The following GPC5 variants were observed in gnomAD, a reference collection of about 807,000 sequenced individuals.
The protein encoded by GPC5 is glypican 5, also known as glypican-5.
Under a neutral mutation model 53.9 loss-of-function variants are expected in GPC5, and 47 were observed. The observed-to-expected ratio is 0.87, with a 90% CI of 0.69 to 1.11. The LOEUF is 1.11. Among genes scored for constraint, GPC5 ranks in the 50% most tolerant of loss-of-function variants. GPC5 has a pLI of 0.00. For synonymous variants in GPC5, 286 were observed against 263.3 expected (o/e 1.09, Z -0.84); for missense variants, 748 against 713.1 (o/e 1.05, Z -0.56).
At chr13:92,803,744 TA>T (rs1436881251) in intron 7 of GPC5, among the ~76,000 whole-genome samples, 3 of 151,996 alleles carry the variant, frequency 2.0e-5, no homozygotes, top group African/African-American at 4.8e-5. Flanking sequence ...ATTTGTATTT[TA>T]AAAGGCTAAT....
At chr13:92,221,037 A>G (rs541313070) in intron 7 of GPC5, among the ~76,000 whole-genome samples, 1 of 152,214 alleles carries the variant, frequency 6.6e-6, no homozygotes, top group East Asian at 1.9e-4. Flanking sequence ...TTGTGGTTCA[A>G]CCTGTCTGGA....
At position 91,590,423 on chromosome 13, in the gene GPC5, G is replaced by T. The variant is rs527664832; in HGVS notation, c.326-102764G>T. 4.6e-5 allele frequency among the ~76,000 whole-genome samples: 7 copies of T among 151,968 alleles called. No individual in the cohort carries two copies. The South Asian group carries it at 1.5e-3, about 32-fold the overall frequency. On this transcript the variant is annotated intron_variant, in intron 2 of 7. Transcript: ENST00000377067. ...CAACTGGAAAACATGAACATATATG[G>T]CATAATATGTTTTCCTATATTTTCT...
At chr13:92,669,329 G>A (rs768311460) in intron 7 of GPC5, among the ~76,000 whole-genome samples, 1 of 151,838 alleles carries the variant, frequency 6.6e-6, no homozygotes, top group Non-Finnish European at 1.5e-5. Flanking sequence ...TTTATTTCCT[G>A]GTCTTTCCTC....
intron 7 of GPC5, among the ~76,000 whole-genome samples, chr13:92,713,125 G>A (rs1888197902): frequency 6.6e-6 from 1 of 152,034 alleles, no homozygotes; most frequent in Non-Finnish European, 1.5e-5. Context: ...ACACACACAT[G>A]GAAGACCATG....
chr13:92,631,729 T>C (rs1885246145), intron 7 of GPC5, among the ~76,000 whole-genome samples: 1 of 152,138 alleles, frequency 6.6e-6, no homozygotes, highest in Admixed American at 6.5e-5. Context: ...ACTAAAATGG[T>C]CCAAAATTCG....
chr13:91,938,542 G>A (rs1261225931), intron 6 of GPC5, among the ~76,000 whole-genome samples: 2 of 152,106 alleles, frequency 1.3e-5, no homozygotes, highest in Non-Finnish European at 2.9e-5. Flanking sequence ...TTTGAACTAA[G>A]AGCTCTAGTG....
rs530108213 is a variant in GPC5, at chr13:92,011,585, G to C, written c.1401+103528G>C. On this transcript the variant is annotated intron_variant, in intron 6 of 7. Transcript: ENST00000377067. ...TGGGCACTGATGATGCTGCCAGTGT[G>C]AGAGCAGCAGGAGATGATATAATAA... Among the ~76,000 whole-genome samples, 4 of 152,222 alleles carry C rather than the reference G, an allele frequency of 2.6e-5. No individual in the cohort carries two copies. In the South Asian group the frequency reaches 8.3e-4, roughly 32 times the overall value.
chr13:91,459,841 C>A (rs1242287932), intron 2 of GPC5, among the ~76,000 whole-genome samples: 1 of 152,016 alleles, frequency 6.6e-6, no homozygotes, highest in Non-Finnish European at 1.5e-5. Flanking sequence ...TATGAAAATA[C>A]AATTGATTTT....
chr13:92,115,651 A>G (rs1415895853), intron 6 of GPC5, among the ~76,000 whole-genome samples: 1 of 152,210 alleles, frequency 6.6e-6, no homozygotes, highest in African/African-American at 2.4e-5. Flanking sequence ...TCCAGCAAGC[A>G]GCGTCTGGAG....
chr13:92,526,311 TG>T (rs1360411123), intron 7 of GPC5, among the ~76,000 whole-genome samples: 1 of 152,122 alleles, frequency 6.6e-6, no homozygotes, highest in East Asian at 1.9e-4. Flanking sequence ...TGAGAATTAA[TG>T]CTAACAAATT....
At chr13:91,601,116 A>G (rs907625849) in intron 2 of GPC5, among the ~76,000 whole-genome samples, 2 of 152,170 alleles carry the variant, frequency 1.3e-5, no homozygotes, top group African/African-American at 4.8e-5. Context: ...GATTTATTTT[A>G]AAGTTCTTTG....
intron 5 of GPC5, among the ~76,000 whole-genome samples, chr13:91,763,954 A>G (rs191546083): frequency 6.6e-6 from 1 of 152,174 alleles, no homozygotes; most frequent in South Asian, 2.1e-4. Flanking sequence ...TCTAGACTAA[A>G]TATAGTACCT....
In GPC5 at chr13:92,098,583, GC is replaced by G. The variant is rs1043925704; in HGVS notation, c.1402-46240del. Among the ~76,000 whole-genome samples, 4 of 152,102 alleles carry G rather than the reference GC, an allele frequency of 2.6e-5. No individual in the cohort carries two copies. In the East Asian group the frequency reaches 7.7e-4, roughly 29 times the overall value. ...GAAGTTTGTAAAAGGCAGAAAAAAT[GC>G]CCCCCCACACAAAGATATTCATGTT... On this transcript the variant is annotated intron_variant, in intron 6 of 7. Transcript: ENST00000377067.
chr13:92,819,290 A>T (rs940914215), intron 7 of GPC5, among the ~76,000 whole-genome samples: 1 of 150,450 alleles, frequency 6.6e-6, no homozygotes, highest in Non-Finnish European at 1.5e-5. Context: ...TTTGACTTAT[A>T]TTACTTTCAT....
At chr13:91,742,208 C>G (rs1038260055) in intron 4 of GPC5, among the ~76,000 whole-genome samples, 2 of 151,980 alleles carry the variant, frequency 1.3e-5, no homozygotes, top group Non-Finnish European at 1.5e-5. Context: ...TACAGGCGCA[C>G]AGGAAAAGCA....
intron 3 of GPC5, among the ~76,000 whole-genome samples, chr13:91,707,841 C>CAA (rs534688035): frequency 0.012 from 1,866 of 151,330 alleles, 35 homozygotes; most frequent in African/African-American, 0.042. Context: ...TATATATCCA[C>CAA]AAAAAAAATA....
chr13:92,323,023 A>G (rs773484089), intron 7 of GPC5, among the ~76,000 whole-genome samples: 7 of 151,840 alleles, frequency 4.6e-5, no homozygotes, highest in Non-Finnish European at 8.8e-5. Flanking sequence ...CTTACTATCA[A>G]TCTTCCCAAA....
intron 2 of GPC5, among the ~76,000 whole-genome samples, chr13:91,651,465 A>G (rs1463295710): frequency 6.6e-6 from 1 of 152,138 alleles, no homozygotes; most frequent in Non-Finnish European, 1.5e-5. Context: ...CATGACTGCA[A>G]TCCCAGCATT....
At chr13:91,452,212 G>A (rs746209281) in intron 2 of GPC5, among the ~76,000 whole-genome samples, 14 of 151,846 alleles carry the variant, frequency 9.2e-5, no homozygotes, top group Non-Finnish European at 1.8e-4. Flanking sequence ...TTGAACTCCT[G>A]AGCTCAACTC....
Sources: allele counts gnomAD v4.1 joint callset (sites outside exome capture counted in the v4.1 genomes callset), GRCh38; gene constraint gnomAD v4.1.1; transcripts MANE v1.5; gene names NCBI Gene and HGNC (gene_info 2026-07-23, HGNC 2026-07-21).